Variants in BCAT1 observed in about 807,000 individuals in gnomAD.
BCAT1 encodes branched-chain-amino-acid aminotransferase, cytosolic.
A neutral mutation model predicts 52.4 loss-of-function variants in BCAT1; 48 were observed. The observed-to-expected ratio is 0.92, with a 90% CI of 0.73 to 1.16. The LOEUF (loss-of-function observed/expected upper bound fraction) is 1.16. Among genes scored for constraint, BCAT1 ranks in the 50% most tolerant of loss-of-function variants. The pLI is 0.00. For synonymous variants in BCAT1, 167 were observed against 161.3 expected (o/e 1.04, Z -0.27); for missense variants, 451 against 457.1 (o/e 0.99, Z 0.12).
At chr12:24,842,010 T>G in intron 7 of BCAT1, 72 bp downstream of exon 7, 1 of 1,544,994 alleles carries the variant, frequency 6.5e-7, no homozygotes, top group Non-Finnish European at 8.8e-7. Context: ...TGTACTAAGT[T>G]TCTAGCTCTT....
chr12:24,831,478 G>A (rs561741374), intron 9 of BCAT1, among the ~76,000 whole-genome samples: 15 of 152,036 alleles, frequency 9.9e-5, no homozygotes, highest in Non-Finnish European at 1.9e-4. Flanking sequence ...TTGAAACCCC[G>A]TCTCTACAAA....
Position 24,885,133 on chromosome 12 carries a change from C to T in BCAT1, c.280-3722G>A, listed in dbSNP as rs531100569. Among the ~76,000 whole-genome samples the T allele has an allele frequency of 3.3e-5, 5 of 152,186 alleles. No individual in the cohort carries two copies. The South Asian group carries it at 1.0e-3, about 32-fold the overall frequency. On this transcript the variant is annotated intron_variant, in intron 3 of 10. Coordinates refer to ENST00000261192, the MANE Select transcript of BCAT1 (RefSeq NM_005504.7). ...TCAGCTTGGAGATGAAAAAATATAA[C>T]TGTCATAGATCATAAAACATAGATG...
In BCAT1 at chr12:24,814,912, A is replaced by T. The variant is rs11047654; in HGVS notation, c.*3096T>A. On this transcript the variant is annotated 3_prime_UTR_variant, in exon 11 of 11. Coordinates refer to ENST00000261192, the MANE Select transcript of BCAT1 (RefSeq NM_005504.7). ...ACCTGATTCCTTAACAAGACTTCTCAGTCACTTGTTTCTCTTTCCCTTTCA... is the reference window on the plus strand; with the variant it reads ...ACCTGATTCCTTAACAAGACTTCTCTGTCACTTGTTTCTCTTTCCCTTTCA... 6.6e-6 allele frequency: 1 copy of T among 150,548 alleles called. No homozygotes were observed. The highest frequency in any genetic ancestry group is 1.5e-5 in the Non-Finnish European group (1 of 67,804). 9.3% of individuals were successfully genotyped at this position (150,548 alleles called of 1,614,324 possible).
At chr12:24,937,436 C>T (rs147295426) in intron 1 of BCAT1, among the ~76,000 whole-genome samples, 1 of 152,282 alleles carries the variant, frequency 6.6e-6, no homozygotes, top group East Asian at 1.9e-4. Flanking sequence ...GGGACTTTAG[C>T]TTTTATTCAA....
intron 2 of BCAT1, among the ~76,000 whole-genome samples, chr12:24,896,843 T>C (rs1376853023): frequency 2.0e-5 from 3 of 152,148 alleles, no homozygotes; most frequent in African/African-American, 7.2e-5. Context: ...TATTCACAGT[T>C]GAATTCCAAA....
chr12:24,849,988 A>G (rs1434847709), intron 5 of BCAT1, 39 bp from the exon 6 acceptor site: 4 of 1,531,650 alleles, frequency 2.6e-6, no homozygotes, highest in Non-Finnish European at 3.6e-6. Flanking sequence ...GTAACTTAAA[A>G]TGTGGACACC....
chr12:24,820,792 A>C (rs747859481), intron 10 of BCAT1, among the ~76,000 whole-genome samples: 9 of 151,428 alleles, frequency 5.9e-5, no homozygotes, highest in Non-Finnish European at 1.0e-4. Flanking sequence ...TCATTACCTC[A>C]CATTCGAGGT....
chr12:24,840,237 T>C (rs572806731), intron 7 of BCAT1, among the ~76,000 whole-genome samples: 1 of 152,332 alleles, frequency 6.6e-6, no homozygotes, highest in South Asian at 2.1e-4. Context: ...CAGAGTGTAC[T>C]TAAATTCTGA....
At chr12:24,907,083 C>T (rs1370359036) in intron 1 of BCAT1, among the ~76,000 whole-genome samples, 1 of 152,230 alleles carries the variant, frequency 6.6e-6, no homozygotes, top group African/African-American at 2.4e-5. Flanking sequence ...CTCTCCAGCT[C>T]ACCTTTTGCT....
chr12:24,840,609 T>G (rs6487428), intron 7 of BCAT1, among the ~76,000 whole-genome samples: 73,585 of 152,058 alleles, frequency 0.48, 18,253 homozygotes, highest in East Asian at 0.64. Flanking sequence ...AGGACAAGGC[T>G]TACTCACCAT....
intron 7 of BCAT1, among the ~76,000 whole-genome samples, chr12:24,837,111 G>GGA (rs1439295363): frequency 4.1e-5 from 4 of 98,588 alleles, no homozygotes; most frequent in Non-Finnish European, 6.7e-5. Context: ...AAGGAAGAAA[G>GGA]AGAAGGAAGG....
At chr12:24,897,333 A>C (rs763535232) in intron 2 of BCAT1, among the ~76,000 whole-genome samples, 7 of 152,242 alleles carry the variant, frequency 4.6e-5, no homozygotes, top group Non-Finnish European at 7.3e-5. Context: ...GGGATAGAAT[A>C]AGGTAATTTT....
intron 6 of BCAT1, among the ~76,000 whole-genome samples, chr12:24,847,167 T>C (rs1015750204): frequency 6.6e-6 from 1 of 152,238 alleles, no homozygotes; most frequent in Non-Finnish European, 1.5e-5. Flanking sequence ...TTAAGTAACA[T>C]GCCCAAGGCA....
intron 7 of BCAT1, 57 bp from the exon 8 acceptor site, chr12:24,836,653 TA>T: frequency 7.4e-7 from 1 of 1,354,498 alleles, no homozygotes; most frequent in Non-Finnish European, 1.0e-6. Flanking sequence ...CATGCCTTAT[TA>T]TCAATAGCCA....
intron 3 of BCAT1, among the ~76,000 whole-genome samples, 169 bp downstream of exon 3, chr12:24,894,106 T>C (rs949827946): frequency 9.9e-5 from 15 of 152,214 alleles, no homozygotes; most frequent in Admixed American, 6.5e-5. Context: ...GCTGCTAAGA[T>C]TTATCTTCAA....
chr12:24,948,850 T>G, intron 1 of BCAT1, 77 bp downstream of exon 1: 1 of 1,515,230 alleles, frequency 6.6e-7, no homozygotes, highest in Non-Finnish European at 9.0e-7. Context: ...CCCTGCCAAC[T>G]ATGTTTCTTG....
chr12:24,834,022 G>C (rs12227952), intron 8 of BCAT1: 39,581 of 317,842 alleles, frequency 0.12, 2,630 homozygotes, highest in Middle Eastern at 0.17. Flanking sequence ...GTAAAGATAG[G>C]GGTCTCCCTA....
chr12:24,873,160 A>G (rs951881069), intron 5 of BCAT1, among the ~76,000 whole-genome samples: 2 of 152,276 alleles, frequency 1.3e-5, no homozygotes, highest in African/African-American at 4.8e-5. Context: ...CATGACAGTC[A>G]TATAATTTTA....
chr12:24,878,952 AT>A (rs1942422742), intron 4 of BCAT1, among the ~76,000 whole-genome samples: 1 of 152,096 alleles, frequency 6.6e-6, no homozygotes, highest in African/African-American at 2.4e-5. Flanking sequence ...ATTTTTTCTG[AT>A]TTTCCCCCCA....
Sources: gnomAD v4.1 joint callset for allele counts (sites outside exome capture counted in the v4.1 genomes callset) on GRCh38, gnomAD v4.1.1 for gene constraint, MANE v1.5 for transcripts, NCBI Gene and HGNC (gene_info 2026-07-23, HGNC 2026-07-21) for gene names.